The following CHM variants were observed in gnomAD, a reference collection of about 807,000 sequenced individuals.
CHM encodes the protein CHM Rab escort protein.
A neutral mutation model predicts 49.0 loss-of-function variants in CHM; 10 were observed. That is an observed-to-expected ratio of 0.20 (90% CI 0.13 to 0.35). The LOEUF is 0.35. Among genes scored for constraint, CHM ranks in the 10% least tolerant of loss-of-function variants. CHM has a pLI of 1.00. For synonymous variants in CHM, 184 were observed against 167.5 expected (o/e 1.10, Z -0.76); for missense variants, 455 against 478.4 (o/e 0.95, Z 0.46).
At chrX:85,913,058 C>T (rs1393065647) in intron 8 of CHM, among the ~76,000 whole-genome samples, 4 of 97,205 alleles carry the variant, frequency 4.1e-5, no homozygotes, top group Non-Finnish European at 8.1e-5. Flanking sequence ...AGAGGCAGGG[C>T]CCACGCCTGT....
chrX:85,959,382 A>T (rs79855352), intron 5 of CHM, among the ~76,000 whole-genome samples: 24,717 of 109,885 alleles, frequency 0.22, 2,208 homozygotes, highest in Middle Eastern at 0.25. Context: ...TCTAAAATAT[A>T]TTTTTTTAAT....
intron 9 of CHM, among the ~76,000 whole-genome samples, chrX:85,906,949 A>G (rs1041193682): frequency 1.8e-5 from 2 of 111,104 alleles, no homozygotes; most frequent in Non-Finnish European, 3.8e-5. Flanking sequence ...CCCTGACAAC[A>G]TGGCAAAACC....
At chrX:85,950,371 A>AC (rs1163397101) in intron 8 of CHM, among the ~76,000 whole-genome samples, 3 of 110,465 alleles carry the variant, frequency 2.7e-5, no homozygotes, top group Admixed American at 2.0e-4. Context: ...AAGTAAAAAA[A>AC]ATCAAGAATG....
intron 4 of CHM, among the ~76,000 whole-genome samples, chrX:85,976,087 C>T (rs1005185186): frequency 1.8e-5 from 2 of 111,821 alleles, no homozygotes; most frequent in Admixed American, 1.9e-4. Context: ...CTTTCTAAAA[C>T]GTACTTCAAA....
At chrX:85,949,913 C>T (rs1219166700) in intron 8 of CHM, among the ~76,000 whole-genome samples, 2 of 96,907 alleles carry the variant, frequency 2.1e-5, no homozygotes, top group Admixed American at 1.2e-4. Context: ...AACACTGATC[C>T]CCATGTACAT....
intron 1 of CHM, among the ~76,000 whole-genome samples, chrX:86,041,898 T>C (rs1361204284): frequency 9.2e-6 from 1 of 109,100 alleles, no homozygotes; most frequent in African/African-American, 3.3e-5. Flanking sequence ...CTGTAGACAA[T>C]AGATGTGAAG....
At chrX:86,022,280 C>T (rs1933639090) in intron 2 of CHM, among the ~76,000 whole-genome samples, 1 of 111,961 alleles carries the variant, frequency 8.9e-6, no homozygotes, top group Admixed American at 9.5e-5. Context: ...GTAAAGCAGA[C>T]ATGACAGATA....
At chrX:85,895,127 T>C (rs745499736) in intron 11 of CHM, among the ~76,000 whole-genome samples, 14 of 103,354 alleles carry the variant, frequency 1.4e-4, no homozygotes, top group Non-Finnish European at 2.8e-4. Context: ...CAGGTCAATG[T>C]TTTTTTTTGT....
In CHM at chrX:85,900,679, A is replaced by G. The variant is rs138395490; in HGVS notation, c.1380T>C (p.Asp460=). 54 of 1,186,787 alleles carry G rather than the reference A, an allele frequency of 4.6e-5. No individual in the cohort carries two copies. The African/African-American group carries it at 8.3e-4, about 18-fold the overall frequency. Residue 460 remains aspartate, a synonymous_variant, in exon 11 of 15, where the codon GAT becomes GAC. Transcript: ENST00000357749. ...CTGAATCTGTTTTTAGGACAGATCT[A>G]TCTGTAATCAGCACTGCCCTGGAGA... ...RQISRAVLIT[D]RSVLKTDSDQ...
chrX:85,873,736 T>C (rs1004418717), intron 13 of CHM, among the ~76,000 whole-genome samples: 1 of 110,997 alleles, frequency 9.0e-6, no homozygotes, highest in African/African-American at 3.3e-5. Context: ...TCTACAAATA[T>C]GCTAAGAGAC....
At chrX:85,945,673 C>G (rs1371225286) in intron 8 of CHM, among the ~76,000 whole-genome samples, 2 of 109,164 alleles carry the variant, frequency 1.8e-5, no homozygotes, top group Non-Finnish European at 3.8e-5. Flanking sequence ...CTGACTAATA[C>G]AGAAAACTTG....
At chrX:85,980,789 A>T (rs756856095) in intron 3 of CHM, among the ~76,000 whole-genome samples, 2 of 111,026 alleles carry the variant, frequency 1.8e-5, no homozygotes, top group Non-Finnish European at 3.8e-5. Flanking sequence ...CTGACTCTCC[A>T]TATTATGCTA....
intron 9 of CHM, 100 bp from the exon 10 acceptor site, chrX:85,901,288 G>T: frequency 1.9e-6 from 1 of 531,099 alleles, no homozygotes; most frequent in Admixed American, 3.8e-5. Context: ...TGAATTTCAC[G>T]TGAAGACAAG....
intron 2 of CHM, among the ~76,000 whole-genome samples, chrX:85,999,726 G>A (rs920324078): frequency 9.0e-6 from 1 of 111,561 alleles, no homozygotes; most frequent in Non-Finnish European, 1.9e-5. Context: ...AGCAATTGTA[G>A]GCCTCTGAAA....
intron 13 of CHM, among the ~76,000 whole-genome samples, chrX:85,878,148 G>A (rs1924528350): frequency 9.0e-6 from 1 of 111,639 alleles, no homozygotes; most frequent in Admixed American, 9.6e-5. Context: ...TACACTTTTG[G>A]GAGTTAAATA....
chrX:85,952,923 C>A (rs901879163), intron 8 of CHM, among the ~76,000 whole-genome samples: 21 of 112,533 alleles, frequency 1.9e-4, no homozygotes, highest in Admixed American at 1.8e-3. Context: ...CAGGGGTGGC[C>A]TGGCAGAACT....
intron 8 of CHM, among the ~76,000 whole-genome samples, chrX:85,918,671 T>G (rs1009143470): frequency 2.6e-4 from 29 of 111,999 alleles, no homozygotes; most frequent in Non-Finnish European, 9.4e-5. Context: ...TAACATGCTG[T>G]GACACCCATA....
At chrX:86,010,102 T>C (rs1029569370) in intron 2 of CHM, among the ~76,000 whole-genome samples, 19 of 102,314 alleles carry the variant, frequency 1.9e-4, no homozygotes, top group East Asian at 6.2e-4. Flanking sequence ...AACCAAACAC[T>C]GCATGTTCTC....
rs767028113 is a variant in CHM at position 85,867,984 on chromosome X, T to A, written c.1771-3163A>T. 1.6e-4 allele frequency among the ~76,000 whole-genome samples: 18 copies of A among 110,596 alleles called. No individual in the cohort carries two copies. The East Asian group carries it at 5.2e-3, about 32-fold the overall frequency. On this transcript the variant is annotated intron_variant, in intron 14 of 14. Transcript: ENST00000357749. ...TACACTGTGTAATGATTACCACAAT[T>A]AAGTTAACACGTCCATCACCACTAA...
Sources: gnomAD v4.1 joint callset for allele counts (sites outside exome capture counted in the v4.1 genomes callset) on GRCh38, gnomAD v4.1.1 for gene constraint, MANE v1.5 for transcripts, NCBI Gene and HGNC (gene_info 2026-07-23, HGNC 2026-07-21) for gene names.